The following CEP70 variants were observed in gnomAD, a reference collection of about 807,000 sequenced individuals.
The protein encoded by CEP70 is centrosomal protein 70.
In CEP70, 70 loss-of-function variants were observed where a neutral mutation model predicts 90.9. The ratio of observed to expected loss-of-function variants is 0.77; its 90% CI spans 0.64 to 0.94. CEP70 has a LOEUF of 0.94. CEP70 is among the 40% of genes least tolerant of loss of function. CEP70 has a pLI of 0.00. For missense variants in CEP70, 648 were observed against 669.0 expected, an observed-to-expected ratio of 0.97 and a Z score of 0.35; for synonymous variants, 220 against 228.3, an observed-to-expected ratio of 0.96 and a Z score of 0.33.
At chr3:138,586,126 T>C (rs752357231) in intron 2 of CEP70, among the ~76,000 whole-genome samples, 1 of 151,872 alleles carries the variant, frequency 6.6e-6, no homozygotes, top group Non-Finnish European at 1.5e-5. Flanking sequence ...AAACTACCCA[T>C]CTGACGAGGG....
At chr3:138,536,231 AT>A (rs1365354446) in intron 7 of CEP70, among the ~76,000 whole-genome samples, 1 of 152,178 alleles carries the variant, frequency 6.6e-6, no homozygotes, top group Admixed American at 6.5e-5. Flanking sequence ...ATTGCTAAAA[AT>A]AACTCTAAAC....
chr3:138,519,896 T>C (rs1200043866), intron 11 of CEP70, among the ~76,000 whole-genome samples: 2 of 152,044 alleles, frequency 1.3e-5, no homozygotes, highest in Non-Finnish European at 2.9e-5. Context: ...GCAAATTGGA[T>C]AAAGAGTCAA....
At chr3:138,526,885 T>C (rs1481281688) in intron 10 of CEP70, among the ~76,000 whole-genome samples, 1 of 152,232 alleles carries the variant, frequency 6.6e-6, no homozygotes, top group Non-Finnish European at 1.5e-5. Flanking sequence ...GATTTAATTA[T>C]TCTGCATTAT....
At chr3:138,512,069 A>T (rs1004619110) in intron 11 of CEP70, among the ~76,000 whole-genome samples, 2 of 152,206 alleles carry the variant, frequency 1.3e-5, no homozygotes, top group Non-Finnish European at 2.9e-5. Flanking sequence ...TTGCCTCAGG[A>T]TATATTAAAA....
intron 2 of CEP70, among the ~76,000 whole-genome samples, chr3:138,573,282 A>C (rs2041304812): frequency 6.6e-6 from 1 of 152,150 alleles, no homozygotes; most frequent in African/African-American, 2.4e-5. Context: ...GAGTAGAAGG[A>C]GCATTTGAAG....
chr3:138,573,009 C>T (rs964430728), intron 2 of CEP70, 77 bp from the exon 3 acceptor site: 1 of 954,354 alleles, frequency 1.0e-6, no homozygotes, highest in Non-Finnish European at 1.7e-6. Flanking sequence ...ACAAAAAGTG[C>T]AAAAGGAGTT....
intron 16 of CEP70, among the ~76,000 whole-genome samples, chr3:138,498,900 G>A (rs1342673450): frequency 6.6e-6 from 1 of 151,774 alleles, no homozygotes; most frequent in Non-Finnish European, 1.5e-5. Context: ...ACAAAAATTA[G>A]CTGGGTGTGG....
rs780175981 is a variant in CEP70, at chr3:138,505,431, G to A, written c.1085C>T (p.Pro362Leu). 33 of 1,605,986 alleles carry A rather than the reference G, an allele frequency of 2.1e-5. No individual in the cohort carries two copies. The highest frequency in any genetic ancestry group is 2.7e-5 in the Non-Finnish European group (32 of 1,177,080). Residue 362 changes from proline to leucine, a missense_variant, in exon 13 of 18, where the codon CCA becomes CTA. By Grantham distance (98) the Pro-to-Leu change is moderately conservative (BLOSUM62 -3). Transcript: ENST00000264982. ...LCSINSIIHN[P>L]RAPVIIYKQT... ...TTTATAAATTATTACTGGAGCTCTT[G>A]GATTGTGGATAATTGAATTGATGCT...
intron 16 of CEP70, chr3:138,499,783 T>TACACACACACACACACACACAC (rs56826450): frequency 6.9e-4 from 133 of 193,208 alleles, no homozygotes; most frequent in African/African-American, 3.1e-3. Context: ...TCTCTCTCTC[T>TACACACACACACACACACACAC]ACACACACAC....
At chr3:138,549,204 C>T (rs951625049) in intron 6 of CEP70, among the ~76,000 whole-genome samples, 6 of 149,854 alleles carry the variant, frequency 4.0e-5, no homozygotes, top group East Asian at 3.9e-4. Flanking sequence ...GCTTTCTGGC[C>T]GAACTCGGGG....
At chr3:138,544,998 C>T (rs1177117009) in intron 6 of CEP70, among the ~76,000 whole-genome samples, 1 of 152,022 alleles carries the variant, frequency 6.6e-6, no homozygotes, top group Non-Finnish European at 1.5e-5. Context: ...TATGATAGCA[C>T]AGTAGGTTGA....
At chr3:138,579,488 G>A (rs1307109122) in intron 2 of CEP70, among the ~76,000 whole-genome samples, 1 of 151,608 alleles carries the variant, frequency 6.6e-6, no homozygotes, top group Admixed American at 6.6e-5. Context: ...AGAGGGAAGA[G>A]TAAAGAGGAC....
chr3:138,556,527 CAAAAA>C (rs57583939), intron 6 of CEP70, among the ~76,000 whole-genome samples: 2 of 69,610 alleles, frequency 2.9e-5, no homozygotes, highest in Non-Finnish European at 5.0e-5. Context: ...GACTCTGTCT[CAAAAA>C]AAAAAAAAAA....
chr3:138,517,897 G>A (rs983319933), intron 11 of CEP70, among the ~76,000 whole-genome samples: 5 of 152,188 alleles, frequency 3.3e-5, no homozygotes, highest in East Asian at 1.9e-4. Flanking sequence ...CGCCTCACCC[G>A]GGAAGCACAA....
chr3:138,589,371 T>C (rs12636910), intron 2 of CEP70, among the ~76,000 whole-genome samples: 1 of 151,728 alleles, frequency 6.6e-6, no homozygotes, highest in African/African-American at 2.4e-5. Flanking sequence ...AAGAAAAAAT[T>C]TGGCTGGGCG....
chr3:138,506,373 AT>A (rs1448853122), intron 12 of CEP70, among the ~76,000 whole-genome samples: 2 of 152,132 alleles, frequency 1.3e-5, no homozygotes, highest in Non-Finnish European at 1.5e-5. Flanking sequence ...CCTGGATTGA[AT>A]TTTAGGTATC....
intron 11 of CEP70, among the ~76,000 whole-genome samples, chr3:138,522,943 AT>A (rs1174930408): frequency 2.0e-5 from 3 of 152,228 alleles, no homozygotes; most frequent in Non-Finnish European, 4.4e-5. Flanking sequence ...TTAGACCAAT[AT>A]CCCTGATGAA....
In CEP70 at chr3:138,494,449, A is replaced by C. The variant is rs1024580115; in HGVS notation, c.*566T>G. 1 of 152,228 alleles carries C rather than the reference A, an allele frequency of 6.6e-6. No individual in the cohort carries two copies. Among genetic ancestry groups the C allele is most frequent in the African/African-American group, 2.4e-5 (1 of 41,448 alleles). 9.4% of individuals were successfully genotyped at this position (152,228 alleles called of 1,614,324 possible). On this transcript the variant is annotated 3_prime_UTR_variant, in exon 18 of 18. Coordinates refer to ENST00000264982, the MANE Select transcript of CEP70 (RefSeq NM_024491.4). The stretch of plus-strand genomic sequence containing the variant: ...CTTTTTAAATGAGAGACTTCTATCT[A>C]CTCATCCATTTTACCCTATGATTCA...
intron 11 of CEP70, among the ~76,000 whole-genome samples, chr3:138,518,009 T>G (rs1305902597): frequency 1.3e-5 from 2 of 152,170 alleles, no homozygotes; most frequent in Non-Finnish European, 2.9e-5. Context: ...CAAACACCCT[T>G]AGCAAACAGC....
Sources: allele counts gnomAD v4.1 joint callset (sites outside exome capture counted in the v4.1 genomes callset), GRCh38; gene constraint gnomAD v4.1.1; transcripts MANE v1.5; gene names NCBI Gene and HGNC (gene_info 2026-07-23, HGNC 2026-07-21).